IL1RAPL1: variants seen among roughly 807,000 people sequenced by gnomAD.
IL1RAPL1 encodes the protein interleukin 1 receptor accessory protein like 1.
In IL1RAPL1, 3 loss-of-function variants were observed where a neutral mutation model predicts 48.4. The observed-to-expected ratio is 0.06, with a 90% confidence interval of 0.03 to 0.16. The LOEUF is 0.16. IL1RAPL1 is among the 10% of genes least tolerant of loss of function. The pLI, the probability that IL1RAPL1 is intolerant of heterozygous loss-of-function variation, is 1.00. For synonymous variants in IL1RAPL1, 185 were observed against 187.7 expected (o/e 0.99, Z 0.12); for missense variants, 349 against 530.6 (o/e 0.66, Z 3.36).
chrX:28,692,238 A>G (rs1470725717), intron 1 of IL1RAPL1, among the ~76,000 whole-genome samples: 1 of 111,536 alleles, frequency 9.0e-6, no homozygotes, highest in African/African-American at 3.3e-5. Context: ...ACCTCCCATC[A>G]GGCTCCATCT....
intron 2 of IL1RAPL1, among the ~76,000 whole-genome samples, chrX:29,027,957 A>G (rs181865457): frequency 9.2e-5 from 10 of 109,186 alleles, no homozygotes; most frequent in South Asian, 7.9e-4. Context: ...TGTATATTAT[A>G]TATATATAAA....
intron 5 of IL1RAPL1, among the ~76,000 whole-genome samples, chrX:29,460,729 TA>T (rs765351034): frequency 1.3e-4 from 14 of 111,873 alleles, no homozygotes; most frequent in Admixed American, 3.8e-4. Context: ...TTGCCAGACA[TA>T]AATAACTGCT....
intron 5 of IL1RAPL1, among the ~76,000 whole-genome samples, chrX:29,637,129 A>G (rs1191849053): frequency 1.8e-5 from 2 of 109,952 alleles, no homozygotes; most frequent in Non-Finnish European, 3.8e-5. Context: ...ACAGAATAGT[A>G]AATAATAAGG....
intron 2 of IL1RAPL1, among the ~76,000 whole-genome samples, chrX:28,823,966 A>G (rs1284577100): frequency 9.0e-6 from 1 of 111,618 alleles, no homozygotes; most frequent in Non-Finnish European, 1.9e-5. Context: ...TGCCTAGTCT[A>G]CTTAGATTGC....
chrX:29,311,643 T>C (rs949641492), intron 3 of IL1RAPL1, among the ~76,000 whole-genome samples: 2 of 112,208 alleles, frequency 1.8e-5, no homozygotes, highest in Admixed American at 9.4e-5. Context: ...TAGCCATATG[T>C]TGCTAGTGGC....
chrX:29,341,673 G>T (rs1933077117), intron 3 of IL1RAPL1, among the ~76,000 whole-genome samples: 1 of 111,809 alleles, frequency 8.9e-6, no homozygotes, highest in Admixed American at 9.5e-5. Context: ...AACTAATGAG[G>T]AGACTGGAGC....
chrX:29,620,790 A>G (rs1924436371), intron 5 of IL1RAPL1, among the ~76,000 whole-genome samples: 2 of 112,150 alleles, frequency 1.8e-5, no homozygotes, highest in Admixed American at 1.9e-4. Flanking sequence ...CTCATTCCAT[A>G]TGAGTAGAAA....
At chrX:29,291,579 C>CG (rs1449267428) in intron 3 of IL1RAPL1, among the ~76,000 whole-genome samples, 1 of 109,365 alleles carries the variant, frequency 9.1e-6, no homozygotes, top group Non-Finnish European at 1.9e-5. Flanking sequence ...CGACAGACCC[C>CG]GGTATGTGAT....
chrX:29,680,373 A>G (rs762895980), intron 6 of IL1RAPL1, among the ~76,000 whole-genome samples: 4 of 111,646 alleles, frequency 3.6e-5, no homozygotes, highest in Non-Finnish European at 7.5e-5. Context: ...AACTTTAGTG[A>G]GAACTTGAAG....
intron 6 of IL1RAPL1, among the ~76,000 whole-genome samples, chrX:29,777,102 A>G (rs1929217594): frequency 8.9e-6 from 1 of 112,205 alleles, no homozygotes; most frequent in Admixed American, 9.5e-5. Flanking sequence ...CAATCTTGCA[A>G]TGAGGAGCTA....
At chrX:29,154,351 C>T (rs1301154575) in intron 2 of IL1RAPL1, among the ~76,000 whole-genome samples, 1 of 110,868 alleles carries the variant, frequency 9.0e-6, no homozygotes, top group Non-Finnish European at 1.9e-5. Context: ...ACCAGCCTGG[C>T]CAACATGGTG....
chrX:29,298,151 T>C (rs1021775646), intron 3 of IL1RAPL1, among the ~76,000 whole-genome samples: 4 of 112,452 alleles, frequency 3.6e-5, no homozygotes, highest in African/African-American at 1.3e-4. Context: ...ATTAAGTATC[T>C]ATTCTATGCA....
intron 3 of IL1RAPL1, among the ~76,000 whole-genome samples, chrX:29,333,802 C>CA (rs1932925817): frequency 1.3e-5 from 1 of 78,935 alleles, no homozygotes; most frequent in African/African-American, 4.8e-5. Context: ...TGGCCGACCC[C>CA]CCCCCCCGCC....
intron 5 of IL1RAPL1, among the ~76,000 whole-genome samples, chrX:29,418,990 A>G (rs998648054): frequency 2.7e-5 from 3 of 112,377 alleles, no homozygotes; most frequent in African/African-American, 9.7e-5. Flanking sequence ...TACTTTCGCA[A>G]GCTATTTATA....
At chrX:29,902,004 G>A (rs1479126773) in intron 6 of IL1RAPL1, among the ~76,000 whole-genome samples, 1 of 112,084 alleles carries the variant, frequency 8.9e-6, no homozygotes, top group Non-Finnish European at 1.9e-5. Flanking sequence ...GTTTTTGTCA[G>A]AAAGCAAATC....
chrX:28,608,163 G>A (rs1415031618), intron 1 of IL1RAPL1, among the ~76,000 whole-genome samples: 3 of 111,608 alleles, frequency 2.7e-5, no homozygotes, highest in East Asian at 2.8e-4. Context: ...GATGTAAAAC[G>A]TTTAGGTTGA....
chrX:29,686,465 C>T (rs1412893083), intron 6 of IL1RAPL1, among the ~76,000 whole-genome samples: 1 of 110,335 alleles, frequency 9.1e-6, no homozygotes, highest in African/African-American at 3.3e-5. Flanking sequence ...ATGATAAATA[C>T]CTGTAGAGCT....
At chrX:29,424,616 T>A (rs1012355607) in intron 5 of IL1RAPL1, among the ~76,000 whole-genome samples, 1 of 111,789 alleles carries the variant, frequency 8.9e-6, no homozygotes, top group African/African-American at 3.3e-5. Context: ...TATGGCCCTG[T>A]CATAGGCAAG....
At chrX:29,649,042 C>A (rs978914718) in intron 5 of IL1RAPL1, among the ~76,000 whole-genome samples, 1 of 111,386 alleles carries the variant, frequency 9.0e-6, no homozygotes, top group African/African-American at 3.3e-5. Flanking sequence ...TGGACAAATA[C>A]AACCTACCAA....
Sources: allele counts gnomAD v4.1 joint callset (sites outside exome capture counted in the v4.1 genomes callset), GRCh38; gene constraint gnomAD v4.1.1; transcripts MANE v1.5; gene names NCBI Gene and HGNC (gene_info 2026-07-23, HGNC 2026-07-21).